Variants in SUFU observed in about 807,000 individuals in gnomAD.
The protein encoded by SUFU is SUFU negative regulator of hedgehog signaling, also known as suppressor of fused homolog.
In SUFU, 7 loss-of-function variants were observed where a neutral mutation model predicts 58.9. That is an observed-to-expected ratio of 0.12 (90% CI 0.07 to 0.22). The LOEUF is 0.22. SUFU is among the 10% of genes least tolerant of loss of function. The pLI, the probability that SUFU is intolerant of heterozygous loss-of-function variation, is 1.00. For missense variants in SUFU, 451 were observed against 641.3 expected (o/e 0.70, Z 3.20); for synonymous variants, 232 against 254.8 (o/e 0.91, Z 0.85).
chr10:102,612,076 G>A (rs1024532333), intron 8 of SUFU, among the ~76,000 whole-genome samples: 1 of 152,096 alleles, frequency 6.6e-6, no homozygotes, highest in African/African-American at 2.4e-5. Flanking sequence ...AACCTGTGTC[G>A]GCTGCAGATT....
At chr10:102,573,043 A>G in intron 3 of SUFU, 1 of 891,468 alleles carries the variant, frequency 1.1e-6, no homozygotes, top group Non-Finnish European at 1.9e-6. Context: ...TGGTCTTCTG[A>G]GGGTACTTGG....
chr10:102,563,432 A>G (rs1250760811), intron 3 of SUFU, among the ~76,000 whole-genome samples: 2 of 152,168 alleles, frequency 1.3e-5, no homozygotes, highest in African/African-American at 2.4e-5. Context: ...TGGCAAGAAT[A>G]GGAAAGTGCT....
At chr10:102,516,697 G>A (rs1271490087) in intron 2 of SUFU, among the ~76,000 whole-genome samples, 2 of 151,820 alleles carry the variant, frequency 1.3e-5, no homozygotes, top group African/African-American at 2.4e-5. Context: ...ACAGGTGCCC[G>A]CCAACACGCC....
chr10:102,624,664 AGATGGTG>A (rs1479319072), intron 10 of SUFU, among the ~76,000 whole-genome samples: 1 of 152,214 alleles, frequency 6.6e-6, no homozygotes, highest in African/African-American at 2.4e-5. Flanking sequence ...GTCCACACAC[AGATGGTG>A]CCGCGCATGG....
intron 2 of SUFU, among the ~76,000 whole-genome samples, chr10:102,527,035 C>G (rs373073408): frequency 8.0e-6 from 1 of 125,776 alleles, no homozygotes; most frequent in Non-Finnish European, 1.6e-5. Flanking sequence ...CTCGCTCTGT[C>G]GCCCAGGCTG....
chr10:102,538,056 G>A (rs1188022860), intron 2 of SUFU, among the ~76,000 whole-genome samples: 1 of 152,154 alleles, frequency 6.6e-6, no homozygotes, highest in African/African-American at 2.4e-5. Flanking sequence ...CATTGTGAAA[G>A]GAGTTTATTT....
intron 2 of SUFU, among the ~76,000 whole-genome samples, chr10:102,537,129 C>CTTT (rs74317451): frequency 1.7e-5 from 2 of 119,370 alleles, no homozygotes; most frequent in Non-Finnish European, 1.7e-5. Flanking sequence ...TTAAATTTAC[C>CTTT]TTTTTTTTTT....
chr10:102,574,682 A>G (rs966352697), intron 3 of SUFU, among the ~76,000 whole-genome samples: 3 of 152,204 alleles, frequency 2.0e-5, no homozygotes, highest in African/African-American at 7.2e-5. Flanking sequence ...ATATTCTTAA[A>G]TTTGGATTCT....
intron 8 of SUFU, among the ~76,000 whole-genome samples, chr10:102,610,470 C>T (rs1259700911): frequency 2.6e-5 from 4 of 151,334 alleles, no homozygotes; most frequent in Non-Finnish European, 5.9e-5. Context: ...CTTATATAGG[C>T]GGGGTTTAGC....
At chr10:102,613,381 C>T (rs2063646359) in intron 8 of SUFU, among the ~76,000 whole-genome samples, 1 of 152,244 alleles carries the variant, frequency 6.6e-6, no homozygotes, top group Non-Finnish European at 1.5e-5. Flanking sequence ...AAGGAGAAGG[C>T]CAGCAGGCAG....
chr10:102,629,921 G>A lies in SUFU; in HGVS notation c.1366-145G>A. On this transcript the variant is annotated intron_variant, in intron 11 of 11. Coordinates refer to ENST00000369902, the MANE Select transcript of SUFU (RefSeq NM_016169.4). The surrounding 1 kb of genome is among the most constrained non-coding windows in gnomAD (Gnocchi z 4.7). ...CGTTTGAGCCCAGCCTGCCACCTGG[G>A]TCTAGCATTTGAGAATGAAGCCACG... is the stretch of plus-strand genomic sequence containing the variant. The A allele has an allele frequency of 1.2e-6, 1 of 805,860 alleles. No individual in the cohort carries two copies. The allele number at this position is 805,860 out of a possible 1,614,324, so 49.9% of individuals were successfully genotyped here. A position where few individuals can be genotyped will look rare whatever the true frequency, so the allele number is the denominator to read the frequency against.
intron 8 of SUFU, 54 bp from the exon 9 acceptor site, chr10:102,615,214 T>C (rs2063672111): frequency 1.1e-5 from 18 of 1,613,340 alleles, no homozygotes; most frequent in Admixed American, 1.7e-5. Context: ...CCCATCTTGC[T>C]CCTCCCTGAG....
chr10:102,561,794 A>G (rs1483741537), intron 3 of SUFU, among the ~76,000 whole-genome samples: 1 of 148,080 alleles, frequency 6.8e-6, no homozygotes, highest in Non-Finnish European at 1.5e-5. Context: ...TCAGCCTCCC[A>G]AGTAGCTGGG....
At position 102,630,243 on chromosome 10, in the gene SUFU, C is replaced by T. The variant is rs2063826016; in HGVS notation, c.*88C>T. The T allele has an allele frequency of 8.6e-7, 1 of 1,166,226 alleles. No individual in the cohort carries two copies. Among genetic ancestry groups the T allele is most frequent in the Non-Finnish European group, 1.3e-6 (1 of 782,706 alleles). 72.2% of individuals were successfully genotyped at this position (1,166,226 alleles called of 1,614,324 possible). On this transcript the variant is annotated 3_prime_UTR_variant, in exon 12 of 12. Transcript: ENST00000369902. ...AACAGTTGTGTCAACGAGATCTCCACAAATAAAAGGACAAGTGTGAGGAAG... is the reference window on the plus strand; with the variant it reads ...AACAGTTGTGTCAACGAGATCTCCATAAATAAAAGGACAAGTGTGAGGAAG...
intron 8 of SUFU, among the ~76,000 whole-genome samples, chr10:102,612,211 ACG>A (rs1430009478): frequency 1.0e-5 from 1 of 97,434 alleles, no homozygotes; most frequent in Non-Finnish European, 2.2e-5. Flanking sequence ...GTGTGTGTGC[ACG>A]CGCATGTGTG....
intron 3 of SUFU, among the ~76,000 whole-genome samples, chr10:102,583,070 G>C (rs1466873604): frequency 6.6e-6 from 1 of 152,134 alleles, no homozygotes; most frequent in African/African-American, 2.4e-5. Context: ...CAGGGTGGGC[G>C]CAGGGGCCTG....
At position 102,631,841 on chromosome 10, in the gene SUFU, C is replaced by T. The variant is rs1378261605; in HGVS notation, c.*1686C>T. 1 of 233,404 alleles carries T rather than the reference C, an allele frequency of 4.3e-6. No homozygotes were observed. The highest frequency in any genetic ancestry group is 2.2e-5 in the African/African-American group (1 of 45,486). 14.5% of individuals were successfully genotyped at this position (233,404 alleles called of 1,614,324 possible). ...GCTCAGAGTTAAAAGGCATATCAGC[C>T]TGGAGTATTTGGGAGAGACTGGCTG... On this transcript the variant is annotated 3_prime_UTR_variant, in exon 12 of 12. Coordinates refer to ENST00000369902, the MANE Select transcript of SUFU (RefSeq NM_016169.4).
At chr10:102,542,715 CCT>C (rs1444380194) in intron 2 of SUFU, among the ~76,000 whole-genome samples, 1 of 151,564 alleles carries the variant, frequency 6.6e-6, no homozygotes, top group African/African-American at 2.4e-5. Context: ...CCTTCTGCTT[CCT>C]GGATTCAAGC....
At chr10:102,566,458 C>T (rs999015474) in intron 3 of SUFU, among the ~76,000 whole-genome samples, 2 of 151,882 alleles carry the variant, frequency 1.3e-5, no homozygotes, top group Admixed American at 1.3e-4. Context: ...GGTGAAACCA[C>T]GTCTCTATTA....
Sources: allele counts gnomAD v4.1 joint callset (sites outside exome capture counted in the v4.1 genomes callset), GRCh38; gene constraint gnomAD v4.1.1; non-coding constraint Gnocchi (gnomAD v3.1); transcripts MANE v1.5; gene names NCBI Gene and HGNC (gene_info 2026-07-23, HGNC 2026-07-21).